The following DLGAP1 variants were observed in gnomAD, a reference collection of about 807,000 sequenced individuals.
DLGAP1 encodes the protein DLG associated protein 1, also known as disks large-associated protein 1.
In DLGAP1, 11 loss-of-function variants were observed where a neutral mutation model predicts 90.8. The observed-to-expected ratio is 0.12, with a 90% CI of 0.08 to 0.20. DLGAP1 has a LOEUF of 0.20. Ranked by LOEUF, DLGAP1 falls within the 10% of genes least tolerant of loss-of-function variation. DLGAP1 has a pLI of 1.00. For synonymous variants in DLGAP1, 558 were observed against 540.7 expected, an observed-to-expected ratio of 1.03 and a Z score of -0.44; for missense variants, 1,050 against 1,333.8, an observed-to-expected ratio of 0.79 and a Z score of 3.31.
At chr18:4,374,253 C>A (rs761095295) in intron 1 of DLGAP1, among the ~76,000 whole-genome samples, 1 of 152,048 alleles carries the variant, frequency 6.6e-6, no homozygotes, top group African/African-American at 2.4e-5. Flanking sequence ...TAAGAAAACA[C>A]AAACACACAA....
At chr18:4,316,566 G>A (rs2080533036) in intron 1 of DLGAP1, among the ~76,000 whole-genome samples, 2 of 152,170 alleles carry the variant, frequency 1.3e-5, no homozygotes, top group Admixed American at 1.3e-4. Context: ...ACATGTAAGA[G>A]TAGAGGGCAC....
At chr18:3,605,004 G>A (rs1439205734) in intron 7 of DLGAP1, among the ~76,000 whole-genome samples, 1 of 152,082 alleles carries the variant, frequency 6.6e-6, no homozygotes, top group African/African-American at 2.4e-5. Flanking sequence ...AGTCTCACTG[G>A]GTCTGTCTTT....
At chr18:4,327,529 G>T (rs1366238797) in intron 1 of DLGAP1, among the ~76,000 whole-genome samples, 1 of 151,980 alleles carries the variant, frequency 6.6e-6, no homozygotes, top group Non-Finnish European at 1.5e-5. Context: ...GGTCTCTGTA[G>T]AAGATCAAAT....
intron 2 of DLGAP1, among the ~76,000 whole-genome samples, chr18:4,026,036 T>G (rs2074693857): frequency 6.6e-6 from 1 of 152,228 alleles, no homozygotes; most frequent in Non-Finnish European, 1.5e-5. Context: ...CTTTTCAGGC[T>G]TATAGTATTA....
At chr18:3,568,764 G>A (rs560139697) in intron 8 of DLGAP1, among the ~76,000 whole-genome samples, 16 of 151,320 alleles carry the variant, frequency 1.1e-4, no homozygotes, top group East Asian at 5.9e-4. Context: ...TCGGCTCACC[G>A]CAAGCTCCGC....
chr18:3,577,224 C>T (rs1454485382), intron 8 of DLGAP1, among the ~76,000 whole-genome samples: 2 of 152,190 alleles, frequency 1.3e-5, no homozygotes, highest in African/African-American at 2.4e-5. Context: ...CCCAGCACCA[C>T]GTGACCCTGC....
At chr18:3,943,455 T>TTG (rs2072812478) in intron 3 of DLGAP1, among the ~76,000 whole-genome samples, 2 of 150,066 alleles carry the variant, frequency 1.3e-5, no homozygotes, top group Non-Finnish European at 3.0e-5. Flanking sequence ...GAGAGGGTTT[T>TTG]TTTTTTTTTT....
At position 3,567,587 on chromosome 18, in the gene DLGAP1, G is replaced by T. The variant is rs1384507332; in HGVS notation, c.1966-6C>A. On this transcript the variant is annotated splice_polypyrimidine_tract_variant and splice_region_variant and intron_variant, in intron 8 of 12. Coordinates refer to ENST00000315677, the MANE Select transcript of DLGAP1 (RefSeq NM_004746.4). ...GGTTCTTCAGCATCATCCACCTGGA[G>T]AAATCATCAAATAAATAGAGTTGTT... 1.2e-6 allele frequency: 2 copies of T among 1,611,738 alleles called. No individual in the cohort carries two copies. Among genetic ancestry groups the T allele is most frequent in the South Asian group, 1.1e-5 (1 of 90,794 alleles).
At chr18:3,808,331 T>C (rs1405629772) in intron 5 of DLGAP1, among the ~76,000 whole-genome samples, 1 of 151,540 alleles carries the variant, frequency 6.6e-6, no homozygotes, top group Non-Finnish European at 1.5e-5. Flanking sequence ...CGTTTCTTAT[T>C]ATATTGGAAA....
At chr18:4,019,382 C>T (rs1479627859) in intron 2 of DLGAP1, among the ~76,000 whole-genome samples, 2 of 152,072 alleles carry the variant, frequency 1.3e-5, no homozygotes, top group African/African-American at 4.8e-5. Flanking sequence ...ACTTCCGTCG[C>T]TTAAGATTTA....
chr18:4,103,836 C>T (rs1366232046), intron 2 of DLGAP1, among the ~76,000 whole-genome samples: 1 of 152,052 alleles, frequency 6.6e-6, no homozygotes, highest in Non-Finnish European at 1.5e-5. Flanking sequence ...CATTTGTTAA[C>T]ATAGATAAAA....
chr18:3,629,710 AT>A (rs2058454800), intron 7 of DLGAP1, among the ~76,000 whole-genome samples: 1 of 150,342 alleles, frequency 6.7e-6, no homozygotes, highest in East Asian at 1.9e-4. Context: ...TAAATAAAAA[AT>A]AATGAAATAA....
chr18:4,089,871 C>T (rs1041562064), intron 2 of DLGAP1, among the ~76,000 whole-genome samples: 1 of 152,124 alleles, frequency 6.6e-6, no homozygotes, highest in South Asian at 2.1e-4. Flanking sequence ...CGGTGAAACC[C>T]CGTCTCTACT....
At chr18:4,112,670 A>T (rs2075995044) in intron 2 of DLGAP1, among the ~76,000 whole-genome samples, 1 of 152,134 alleles carries the variant, frequency 6.6e-6, no homozygotes, top group Non-Finnish European at 1.5e-5. Context: ...TTACCTGGGA[A>T]TATTGTGTGA....
Position 3,891,777 on chromosome 18 carries a change from A to AT in DLGAP1, c.-72-11638dup, listed in dbSNP as rs200305269. 3.6e-4 allele frequency among the ~76,000 whole-genome samples: 55 copies of AT among 151,616 alleles called. 1 individual carries two copies. The Middle Eastern group carries it at 0.024, about 66-fold the overall frequency. Reference sequence around the variant, plus strand: ...AGATAATATATTTAGTAATTTTTAAATTTTTTTTTAGAGAGAAGATCTCAC... The same window carrying AT: ...AGATAATATATTTAGTAATTTTTAAATTTTTTTTTTAGAGAGAAGATCTCAC... On this transcript the variant is annotated intron_variant, in intron 3 of 12. Transcript: ENST00000315677.
intron 2 of DLGAP1, chr18:4,013,820 TTGAG>T (rs1222325728): frequency 6.6e-6 from 1 of 152,230 alleles, no homozygotes; most frequent in East Asian, 1.9e-4. Flanking sequence ...CTTATGATGA[TTGAG>T]TAATCTATTC....
intron 3 of DLGAP1, among the ~76,000 whole-genome samples, chr18:4,004,033 G>A (rs568015952): frequency 1.3e-5 from 2 of 152,264 alleles, no homozygotes; most frequent in Middle Eastern, 3.4e-3. Context: ...AGTGTCCAGG[G>A]CACGTTAGTA....
chr18:4,343,109 C>T (rs1167734355), intron 1 of DLGAP1, among the ~76,000 whole-genome samples: 1 of 151,990 alleles, frequency 6.6e-6, no homozygotes, highest in Non-Finnish European at 1.5e-5. Flanking sequence ...AGGTCGAGAC[C>T]ATCCTGTCTA....
At chr18:4,295,988 T>G (rs1447679957) in intron 1 of DLGAP1, among the ~76,000 whole-genome samples, 3 of 152,224 alleles carry the variant, frequency 2.0e-5, no homozygotes, top group Non-Finnish European at 4.4e-5. Context: ...CTCACTGGAT[T>G]ACACCATTGC....
Sources: gnomAD v4.1 joint callset for allele counts (sites outside exome capture counted in the v4.1 genomes callset) on GRCh38, gnomAD v4.1.1 for gene constraint, MANE v1.5 for transcripts, NCBI Gene and HGNC (gene_info 2026-07-23, HGNC 2026-07-21) for gene names.